MPHOSPH8: variants seen among roughly 807,000 people sequenced by gnomAD.
MPHOSPH8 encodes the protein M-phase phosphoprotein 8.
A neutral mutation model predicts 87.3 loss-of-function variants in MPHOSPH8; 45 were observed. The ratio of observed to expected loss-of-function variants is 0.52; its 90% CI spans 0.41 to 0.66. The LOEUF (loss-of-function observed/expected upper bound fraction) is 0.66, where lower values mean the gene tolerates loss of function less well. MPHOSPH8 is among the 30% of genes least tolerant of loss of function. The pLI is 0.00. For synonymous variants in MPHOSPH8, 366 were observed against 376.9 expected, an observed-to-expected ratio of 0.97 and a Z score of 0.33; for missense variants, 883 against 1,020.2, an observed-to-expected ratio of 0.87 and a Z score of 1.83.
intron 8 of MPHOSPH8, 28 bp downstream of exon 8, chr13:19,661,866 A>G (rs2137535046): frequency 6.3e-7 from 1 of 1,582,408 alleles, no homozygotes; most frequent in Non-Finnish European, 8.6e-7. Flanking sequence ...CATCAGTTTC[A>G]GAGCTTTCAT....
In MPHOSPH8 at chr13:19,633,722, T is replaced by C. The variant is rs895432883; in HGVS notation, c.-27T>C. 1.3e-6 allele frequency: 2 copies of C among 1,566,018 alleles called. No individual in the cohort carries two copies. The highest frequency in any genetic ancestry group is 1.7e-6 in the Non-Finnish European group (2 of 1,155,432). ...CTGGGGTGTTTGTCGCAGCGGGTTT[T>C]CCTCGGCGGTTTGCGGAGCTGCTAG... On this transcript the variant is annotated 5_prime_UTR_variant, in exon 1 of 14. Transcript: ENST00000361479.
rs983378470 is a variant in MPHOSPH8, at chr13:19,651,529, A to G, written c.1576+1269A>G. 9.9e-4 allele frequency among the ~76,000 whole-genome samples: 146 copies of G among 147,304 alleles called. 1 individual carries two copies. Among genetic ancestry groups the G allele is most frequent in the Non-Finnish European group, 5.7e-4 (38 of 66,348 alleles). ...GTGACACAGTGAGACTCCACCTCCA[A>G]AAAAAAAAAAAAGAAAACTGGCTAG... On this transcript the variant is annotated intron_variant, in intron 5 of 13. Coordinates refer to ENST00000361479, the MANE Select transcript of MPHOSPH8 (RefSeq NM_017520.4).
intron 2 of MPHOSPH8, among the ~76,000 whole-genome samples, chr13:19,644,572 G>A (rs1361718342): frequency 2.6e-5 from 4 of 152,172 alleles, no homozygotes; most frequent in African/African-American, 4.8e-5. Flanking sequence ...CTTTAGTACC[G>A]GACGTCTCAA....
chr13:19,651,384 G>C (rs1250704902), intron 5 of MPHOSPH8, among the ~76,000 whole-genome samples: 1 of 152,048 alleles, frequency 6.6e-6, no homozygotes, highest in Admixed American at 6.6e-5. Flanking sequence ...AAACTTAGCT[G>C]GGCGTGGCAG....
chr13:19,673,252 C>T lies in MPHOSPH8; in HGVS notation c.*1377C>T, dbSNP rs1876256646. On this transcript the variant is annotated 3_prime_UTR_variant, in exon 14 of 14. Transcript: ENST00000361479. ...CTGCTTCTGTATGGCAAGCATAAAT[C>T]AAGCTCAGTCTGGGTTATGGAGAAG... 2.4e-6 allele frequency: 1 copy of T among 410,462 alleles called. No homozygotes were observed. The highest frequency in any genetic ancestry group is 4.7e-6 in the Non-Finnish European group (1 of 211,342). The allele number at this position is 410,462 out of a possible 1,614,324, so 25.4% of individuals were successfully genotyped here. A position where few individuals can be genotyped will look rare whatever the true frequency, so the allele number is the denominator to read the frequency against.
chr13:19,657,894 C>T (rs182960840), intron 5 of MPHOSPH8, among the ~76,000 whole-genome samples: 2 of 152,356 alleles, frequency 1.3e-5, no homozygotes, highest in African/African-American at 4.8e-5. Context: ...AGAAGACTGG[C>T]TCTGCCACTC....
At chr13:19,655,211 C>A (rs1346795315) in intron 5 of MPHOSPH8, among the ~76,000 whole-genome samples, 2 of 152,156 alleles carry the variant, frequency 1.3e-5, no homozygotes, top group South Asian at 2.1e-4. Flanking sequence ...CATGGTGGCT[C>A]ACACCTACAA....
chr13:19,650,402 T>C, intron 5 of MPHOSPH8, 142 bp downstream of exon 5: 1 of 980,234 alleles, frequency 1.0e-6, no homozygotes, highest in Non-Finnish European at 1.5e-6. Context: ...TAAATAACAT[T>C]TTATATTGAA....
intron 1 of MPHOSPH8, among the ~76,000 whole-genome samples, chr13:19,637,877 G>C (rs915929443): frequency 6.6e-6 from 1 of 151,766 alleles, no homozygotes; most frequent in Non-Finnish European, 1.5e-5. Flanking sequence ...CAAGGCAGGC[G>C]GATCACGAAG....
chr13:19,647,906 A>T (rs1224810482), intron 3 of MPHOSPH8, among the ~76,000 whole-genome samples: 2 of 152,186 alleles, frequency 1.3e-5, no homozygotes, highest in Non-Finnish European at 2.9e-5. Context: ...CTGTGCATAC[A>T]TAGTTATTTA....
In MPHOSPH8 at chr13:19,673,385, CT is replaced by C. The variant is rs1876268192; in HGVS notation, c.*1513del. On this transcript the variant is annotated 3_prime_UTR_variant, in exon 14 of 14. Transcript: ENST00000361479. Reference sequence around the variant, plus strand: ...TAGATATTTCAGAGAACCATTTTTACTTTACATCCTAAAACTGCCTTTTCCT... The same window carrying C: ...TAGATATTTCAGAGAACCATTTTTACTTACATCCTAAAACTGCCTTTTCCT... The C allele has an allele frequency of 3.9e-6, 1 of 258,468 alleles. No individual in the cohort carries two copies. The highest frequency in any genetic ancestry group is 4.4e-5 in the South Asian group (1 of 22,846). 16.0% of individuals were successfully genotyped at this position (258,468 alleles called of 1,614,324 possible). A position where few individuals can be genotyped will look rare whatever the true frequency, so the allele number is the denominator to read the frequency against.
At chr13:19,654,340 T>C (rs779886832) in intron 5 of MPHOSPH8, among the ~76,000 whole-genome samples, 1 of 152,018 alleles carries the variant, frequency 6.6e-6, no homozygotes, top group East Asian at 1.9e-4. Context: ...GGGTAGGGGC[T>C]CCGGGAGGGA....
chr13:19,666,670 T>C (rs1875836238), intron 10 of MPHOSPH8, 91 bp downstream of exon 10: 1 of 1,212,728 alleles, frequency 8.2e-7, no homozygotes, highest in Admixed American at 2.3e-5. Flanking sequence ...TGTGTGTAAC[T>C]GCTCAGAAAA....
chr13:19,650,528 C>T, intron 5 of MPHOSPH8: 1 of 319,522 alleles, frequency 3.1e-6, no homozygotes, highest in African/African-American at 2.1e-5. Context: ...CTACTCTTAC[C>T]TGGCAGCCCC....
At chr13:19,666,884 G>A (rs1028678899) in intron 10 of MPHOSPH8, among the ~76,000 whole-genome samples, 17 of 152,118 alleles carry the variant, frequency 1.1e-4, no homozygotes, top group South Asian at 2.1e-4. Flanking sequence ...AAACTTGGCC[G>A]GGCGCAGTGG....
chr13:19,666,640 A>G (rs1310666421), intron 10 of MPHOSPH8, 61 bp downstream of exon 10: 42 of 1,448,132 alleles, frequency 2.9e-5, no homozygotes, highest in Non-Finnish European at 3.5e-5. Flanking sequence ...TTATGTAGAC[A>G]TATTATAATT....
intron 2 of MPHOSPH8, among the ~76,000 whole-genome samples, chr13:19,642,860 T>A (rs1361275468): frequency 1.3e-5 from 2 of 152,206 alleles, no homozygotes; most frequent in Non-Finnish European, 2.9e-5. Flanking sequence ...TAGTTTTGAC[T>A]GTGTGTAGTA....
At chr13:19,642,299 T>A (rs1565933475) in intron 2 of MPHOSPH8, 29 bp downstream of exon 2, 1 of 1,521,798 alleles carries the variant, frequency 6.6e-7, no homozygotes, top group African/African-American at 1.4e-5. Context: ...TATTTGTTTT[T>A]ACATACATAA....
rs757389895 is a variant in MPHOSPH8 at position 19,642,078 on chromosome 13, A to G, written c.214-37A>G. The G allele has an allele frequency of 9.8e-6, 12 of 1,227,762 alleles. No homozygotes were observed. In the African/African-American group the frequency reaches 1.1e-4, roughly 11 times the overall value. 76.1% of individuals were successfully genotyped at this position (1,227,762 alleles called of 1,614,324 possible). On this transcript the variant is annotated intron_variant, in intron 1 of 13. Coordinates refer to ENST00000361479, the MANE Select transcript of MPHOSPH8 (RefSeq NM_017520.4). ...TTTTGGAAATTTAATCAAGTTAGCAATCTGCTTTATTTGCCTCCTTTTATT... is the reference window on the plus strand; with the variant it reads ...TTTTGGAAATTTAATCAAGTTAGCAGTCTGCTTTATTTGCCTCCTTTTATT...
Sources: gnomAD v4.1 joint callset for allele counts (sites outside exome capture counted in the v4.1 genomes callset) on GRCh38, gnomAD v4.1.1 for gene constraint, MANE v1.5 for transcripts, NCBI Gene and HGNC (gene_info 2026-07-23, HGNC 2026-07-21) for gene names.